ARPC2: variants seen among roughly 807,000 people sequenced by gnomAD.
ARPC2 encodes the protein actin related protein 2/3 complex subunit 2.
ARPC2 carries 4 observed loss-of-function variants against 38.6 expected under a neutral mutation model. The ratio of observed to expected loss-of-function variants is 0.10; its 90% CI spans 0.05 to 0.24. The LOEUF (loss-of-function observed/expected upper bound fraction) is 0.24, where lower values mean the gene tolerates loss of function less well. Among genes scored for constraint, ARPC2 ranks in the 10% least tolerant of loss-of-function variants. The pLI, the probability that ARPC2 is intolerant of heterozygous loss-of-function variation, is 1.00. For synonymous variants in ARPC2, 125 were observed against 140.8 expected (o/e 0.89, Z 0.79); for missense variants, 229 against 387.3 (o/e 0.59, Z 3.43).
intron 8 of ARPC2, among the ~76,000 whole-genome samples, chr2:218,245,910 C>T (rs897513656): frequency 1.3e-5 from 2 of 152,028 alleles, no homozygotes; most frequent in Non-Finnish European, 2.9e-5. Context: ...TCGATTCCAG[C>T]TTGAAGGAGA....
chr2:218,245,448 A>C lies in ARPC2; in HGVS notation c.578A>C (p.His193Pro). The change falls in exon 8 of 11, where the codon CAC becomes CCC. Residue 193 changes from histidine (H) to proline (P), a missense_variant. His to Pro is a moderately conservative substitution (Grantham distance 77, BLOSUM62 -2). This residue lies in a region of ARPC2 where 92 missense variants were observed against 152.3 expected (regional missense o/e 0.60). Coordinates refer to ENST00000315717, the MANE Select transcript of ARPC2 (RefSeq NM_152862.3). The part of the protein sequence containing the change: ...QEFKEGRRAS[H>P]TAPQVLFSHR... Reference sequence around the variant, plus strand: ...TTCAAAGAAGGACGCAGAGCCAGCCACACAGCCCCACAGGTCCTCTTTAGC... The same window carrying C: ...TTCAAAGAAGGACGCAGAGCCAGCCCCACAGCCCCACAGGTCCTCTTTAGC... The C allele has an allele frequency of 6.2e-7, 1 of 1,614,196 alleles. No individual in the cohort carries two copies. Among genetic ancestry groups the C allele is most frequent in the Non-Finnish European group, 8.5e-7 (1 of 1,180,044 alleles).
intron 8 of ARPC2, 70 bp from the exon 9 acceptor site, chr2:218,249,294 C>G: frequency 9.8e-7 from 1 of 1,025,498 alleles, no homozygotes; most frequent in Admixed American, 2.0e-5. Flanking sequence ...GTTCACTAGG[C>G]TGTTGTTCTT....
chr2:218,252,931 C>T (rs1462301358), intron 10 of ARPC2: 3 of 456,624 alleles, frequency 6.6e-6, no homozygotes, highest in Non-Finnish European at 1.3e-5. Flanking sequence ...ACTTTGCCTT[C>T]TTCTGTGCTG....
intron 5 of ARPC2, among the ~76,000 whole-genome samples, chr2:218,237,280 A>G (rs1206562207): frequency 3.3e-5 from 5 of 150,720 alleles, no homozygotes; most frequent in Admixed American, 3.3e-4. Context: ...GCTCATTACA[A>G]CCTCCACCTC....
At chr2:218,244,666 G>A (rs897125261) in intron 7 of ARPC2, among the ~76,000 whole-genome samples, 2 of 152,214 alleles carry the variant, frequency 1.3e-5, no homozygotes, top group Non-Finnish European at 2.9e-5. Context: ...GTATTAGGAG[G>A]CAGTATTTGA....
At chr2:218,226,626 CAAAAAAAAAAAA>C (rs34789459) in intron 3 of ARPC2, among the ~76,000 whole-genome samples, 3 of 61,464 alleles carry the variant, frequency 4.9e-5, no homozygotes, top group African/African-American at 2.0e-4. Flanking sequence ...GACTCCATCT[CAAAAAAAAAAAA>C]AAAAAAAAAA....
At chr2:218,231,277 C>G (rs1224734028) in intron 4 of ARPC2, among the ~76,000 whole-genome samples, 1 of 152,100 alleles carries the variant, frequency 6.6e-6, no homozygotes, top group Non-Finnish European at 1.5e-5. Context: ...GTTAAAAGTG[C>G]AAGTGAAGTG....
chr2:218,235,152 G>C, intron 5 of ARPC2: 1 of 283,908 alleles, frequency 3.5e-6, no homozygotes, highest in South Asian at 3.2e-5. Context: ...CTTAACAGCA[G>C]TTACTTGTGC....
intron 3 of ARPC2, among the ~76,000 whole-genome samples, chr2:218,227,681 C>A (rs556285843): frequency 5.9e-5 from 9 of 152,100 alleles, no homozygotes; most frequent in African/African-American, 1.7e-4. Flanking sequence ...ACCTCCACCC[C>A]CCGGGTTCAA....
chr2:218,227,438 T>C (rs1037765678), intron 3 of ARPC2, among the ~76,000 whole-genome samples: 1 of 152,206 alleles, frequency 6.6e-6, no homozygotes, highest in African/African-American at 2.4e-5. Flanking sequence ...TGTTTTGTTT[T>C]TTTGAGACTG....
chr2:218,237,583 GT>G (rs553328235), intron 5 of ARPC2, among the ~76,000 whole-genome samples: 60 of 133,554 alleles, frequency 4.5e-4, no homozygotes, highest in Non-Finnish European at 4.5e-4. Context: ...TTTTGTTTTT[GT>G]TTTTTTTTTT....
At chr2:218,236,896 G>T (rs917393925) in intron 5 of ARPC2, among the ~76,000 whole-genome samples, 1 of 152,154 alleles carries the variant, frequency 6.6e-6, no homozygotes. Context: ...TTCTGGTGAA[G>T]TTATTCCCGT....
At chr2:218,247,533 G>A (rs765099698) in intron 8 of ARPC2, among the ~76,000 whole-genome samples, 4 of 151,388 alleles carry the variant, frequency 2.6e-5, no homozygotes, top group Non-Finnish European at 5.9e-5. Flanking sequence ...GTGTGATCTC[G>A]GCTCACTGCA....
chr2:218,217,403 C>T, intron 1 of ARPC2, 60 bp from the exon 2 acceptor site: 1 of 1,543,504 alleles, frequency 6.5e-7, no homozygotes, highest in Non-Finnish European at 9.0e-7. Flanking sequence ...GCCGCTCCCT[C>T]CGTCCTTGCC....
In ARPC2 at chr2:218,247,914, G is replaced by A. The variant is rs948188011; in HGVS notation, c.677-1450G>A. Among the ~76,000 whole-genome samples, 4 of 150,832 alleles carry A rather than the reference G, an allele frequency of 2.7e-5. No homozygotes were observed. In the East Asian group the frequency reaches 8.0e-4, roughly 30 times the overall value. ...GCCAAGATCACGCGACTGCACTCCA[G>A]CCTGGGCGACAGAACAAGACTCCGT... On this transcript the variant is annotated intron_variant, in intron 8 of 10. Transcript: ENST00000315717.
chr2:218,239,653 G>A lies in ARPC2; in HGVS notation c.549+169G>A, dbSNP rs1689862406. On this transcript the variant is annotated intron_variant, in intron 7 of 10. Coordinates refer to ENST00000315717, the MANE Select transcript of ARPC2 (RefSeq NM_152862.3). ...TTGTTGCCCAGGCTGGAGTGCAATG[G>A]AGTGATCTCGGCTCACTGCAACCTC... 16 of 585,728 alleles carry A rather than the reference G, an allele frequency of 2.7e-5. No individual in the cohort carries two copies. The East Asian group carries it at 4.4e-4, about 16-fold the overall frequency. 36.3% of individuals were successfully genotyped at this position (585,728 alleles called of 1,614,324 possible). A position where few individuals can be genotyped will look rare whatever the true frequency, so the allele number is the denominator to read the frequency against.
chr2:218,249,730 A>T, intron 9 of ARPC2, 91 bp from the exon 10 acceptor site: 1 of 1,294,786 alleles, frequency 7.7e-7, no homozygotes, highest in African/African-American at 1.5e-5. Context: ...GTATGTTCCC[A>T]ACCGCCCTTG....
intron 5 of ARPC2, 95 bp from the exon 6 acceptor site, chr2:218,238,569 C>A: frequency 1.1e-6 from 1 of 947,576 alleles, no homozygotes; most frequent in Admixed American, 2.7e-5. Context: ...TCTCTGTTTA[C>A]TTGGTATAGA....
At chr2:218,239,690 T>C in intron 7 of ARPC2, 1 of 496,570 alleles carries the variant, frequency 2.0e-6, no homozygotes, top group South Asian at 2.5e-5. Flanking sequence ...GCCTCCCAGG[T>C]TCAAGCAATT....
Sources: allele counts gnomAD v4.1 joint callset (sites outside exome capture counted in the v4.1 genomes callset), GRCh38; gene constraint gnomAD v4.1.1; regional missense constraint gnomAD v4.1.1; transcripts MANE v1.5; gene names NCBI Gene and HGNC (gene_info 2026-07-23, HGNC 2026-07-21).